SLC4A11: variants seen among roughly 807,000 people sequenced by gnomAD.
SLC4A11 encodes solute carrier family 4 member 11, also known as bicarbonate transporter related protein 1.
In SLC4A11, 74 loss-of-function variants were observed where a neutral mutation model predicts 95.0. The observed-to-expected ratio is 0.78, with a 90% CI of 0.65 to 0.95. The LOEUF is 0.95. Among genes scored for constraint, SLC4A11 ranks in the 40% least tolerant of loss-of-function variants. The pLI, the probability that SLC4A11 is intolerant of heterozygous loss-of-function variation, is 0.00. For synonymous variants in SLC4A11, 548 were observed against 519.0 expected, an observed-to-expected ratio of 1.06 and a Z score of -0.76; for missense variants, 1,081 against 1,192.4, an observed-to-expected ratio of 0.91 and a Z score of 1.38.
chr20:3,230,967 C>A lies in SLC4A11; in HGVS notation c.1134G>T (p.Gly378=). 1 of 1,613,352 alleles carries A rather than the reference C, an allele frequency of 6.2e-7. No individual in the cohort carries two copies. The highest frequency in any genetic ancestry group is 8.5e-7 in the Non-Finnish European group (1 of 1,179,824). ...FACLLPTIAF[G]SLNDENTDGA... is the part of the protein sequence containing the mutation. ...CGTCTGTGTTCTCGTCATTGAGAGA[C>A]CCGAAAGCGATGGTGGGCAGGAGGC... Residue 378 remains glycine, a synonymous_variant, in exon 10 of 20, where the codon GGG becomes GGT. Transcript: ENST00000642402.
chr20:3,234,935 GC>G lies in SLC4A11; in HGVS notation c.89-42del. 1 of 1,612,720 alleles carries G rather than the reference GC, an allele frequency of 6.2e-7. No individual in the cohort carries two copies. Among genetic ancestry groups the G allele is most frequent in the South Asian group, 1.1e-5 (1 of 91,048 alleles). On this transcript the variant is annotated intron_variant, in intron 2 of 19. Transcript: ENST00000642402. The surrounding 1 kb of genome is among the most constrained non-coding windows in gnomAD (Gnocchi z 5.8). ...AGCAAGAGGGCCTGGCTGTTAAAGT[GC>G]CACACACAGGAAGGAGGGGCTCCAA...
chr20:3,236,643 G>A (rs1350427373), intron 2 of SLC4A11, among the ~76,000 whole-genome samples: 1 of 152,046 alleles, frequency 6.6e-6, no homozygotes, highest in Non-Finnish European at 1.5e-5. Flanking sequence ...TGGTTCTGGA[G>A]CTCATGATAA....
chr20:3,232,956 T>G (rs539890863), intron 7 of SLC4A11, among the ~76,000 whole-genome samples: 1 of 152,262 alleles, frequency 6.6e-6, no homozygotes, highest in African/African-American at 2.4e-5. Flanking sequence ...CCGCCATGTC[T>G]GAGATCCCTG....
In SLC4A11 at chr20:3,234,022, G is replaced by A; in HGVS notation, c.524-20C>T. Reference sequence around the variant, plus strand: ...GGTGGACTGAGGAAAGAGTGAGGGGGAGGGTGGTGGGTCAACAGCCCCTCC... The same window carrying A: ...GGTGGACTGAGGAAAGAGTGAGGGGAAGGGTGGTGGGTCAACAGCCCCTCC... On this transcript the variant is annotated intron_variant, in intron 5 of 19. Transcript: ENST00000642402. This position sits in a 1 kb window ranked among gnomAD's most constrained non-coding sequence, Gnocchi z 5.8. The A allele has an allele frequency of 1.2e-6, 2 of 1,613,774 alleles. No homozygotes were observed. Among genetic ancestry groups the A allele is most frequent in the Non-Finnish European group, 8.5e-7 (1 of 1,179,942 alleles).
At position 3,230,763 on chromosome 20, in the gene SLC4A11, C is replaced by G. The variant is rs750037057; in HGVS notation, c.1251G>C (p.Leu417=). 1.2e-6 allele frequency: 2 copies of G among 1,613,352 alleles called. No individual in the cohort carries two copies. Among genetic ancestry groups the G allele is most frequent in the South Asian group, 1.1e-5 (1 of 91,072 alleles). The change falls in exon 11 of 20, where the codon CTG becomes CTC. Residue 417 remains leucine (L), a synonymous_variant. Coordinates refer to ENST00000642402, the MANE Select transcript of SLC4A11 (RefSeq NM_001174089.2). ...TGTAGAGCGCCAGGGGCGCGGTGGT[C>G]AGCAGAATCACCAATGGCTGCCCAG... ...LFSGQPLVIL[L]TTAPLALYIQ...
intron 7 of SLC4A11, 96 bp downstream of exon 7, chr20:3,233,418 C>G: frequency 6.3e-7 from 1 of 1,576,942 alleles, no homozygotes. Flanking sequence ...GAGGACCAGG[C>G]CTTCAGAGGC....
chr20:3,239,123 G>C lies in SLC4A11; in HGVS notation c.15C>G (p.Thr5=). The change falls in exon 1 of 20, where the codon ACC becomes ACG. Residue 5 remains threonine, a synonymous_variant. Transcript: ENST00000642402. ...ACGGCTGCAGATGGAACACGCGCCT[G>C]GTGGCCGCGGCCATGGCACACTCGC... MAAA[T]RRVFHLQPCE... 6.8e-7 allele frequency: 1 copy of C among 1,476,848 alleles called. No individual in the cohort carries two copies. 91.5% of individuals were successfully genotyped at this position (1,476,848 alleles called of 1,614,324 possible). A position where few individuals can be genotyped will look rare whatever the true frequency, so the allele number is the denominator to read the frequency against.
At chr20:3,238,841 A>C in intron 1 of SLC4A11, 1 of 1,207,472 alleles carries the variant, frequency 8.3e-7, no homozygotes, top group East Asian at 3.6e-5. Flanking sequence ...TCAGCTGTTC[A>C]AACCTGGTAA....
Position 3,228,641 on chromosome 20 carries a change from C to T in SLC4A11, c.2259G>A (p.Leu753=). 1 of 1,613,094 alleles carries T rather than the reference C, an allele frequency of 6.2e-7. No homozygotes were observed. The highest frequency in any genetic ancestry group is 2.2e-5 in the East Asian group (1 of 44,878). ...ACTGAAGCGGGACCGGCAGCAGCAACAGGGACAGGCCCACCAGGACGCTGG... is the reference window on the plus strand; with the variant it reads ...ACTGAAGCGGGACCGGCAGCAGCAATAGGGACAGGCCCACCAGGACGCTGG... The part of the protein sequence containing the change: ...LGASVLVGLS[L]LLLPVPLQWI... The change falls in exon 18 of 20, where the codon CTG becomes CTA. Residue 753 remains leucine (L), a synonymous_variant. Transcript: ENST00000642402.
chr20:3,229,388 C>T lies in SLC4A11; in HGVS notation c.1807G>A (p.Ala603Thr), dbSNP rs138262189. The change falls in exon 15 of 20, where the codon GCC becomes ACC. Residue 603 changes from alanine to threonine, a missense_variant. Physicochemically the swap from Ala to Thr is moderately conservative, Grantham distance 58. Around this residue, in one of 3 missense-constraint regions of SLC4A11, gnomAD observed 767 missense variants for 858.0 expected, o/e 0.89. Coordinates refer to ENST00000642402, the MANE Select transcript of SLC4A11 (RefSeq NM_001174089.2). Reference sequence around the variant, plus strand: ...CCATGGGAGCTGATGAGGGAGAAGGCGAGCACCGCGATGGGCAGGGCGCAG... The same window carrying T: ...CCATGGGAGCTGATGAGGGAGAAGGTGAGCACCGCGATGGGCAGGGCGCAG... Reference protein sequence around the residue: ...SDCALPIAVLAFSLISSHGFR... With the variant: ...SDCALPIAVLTFSLISSHGFR... 2.7e-4 allele frequency: 440 copies of T among 1,613,318 alleles called. 1 individual carries two copies. The highest frequency in any genetic ancestry group is 1.7e-3 in the Admixed American group (100 of 60,030).
Position 3,237,584 on chromosome 20 carries a change from G to C in SLC4A11, c.48C>G (p.Asn16Lys). 6.2e-7 allele frequency: 1 copy of C among 1,614,070 alleles called. No homozygotes were observed. Among genetic ancestry groups the C allele is most frequent in the Non-Finnish European group, 8.5e-7 (1 of 1,180,028 alleles). ...ATCCATTCTGCGACATGGTGGGAGAGTTTTCTGCAAGGGAAGCAGAAAGGT... is the reference window on the plus strand; with the variant it reads ...ATCCATTCTGCGACATGGTGGGAGACTTTTCTGCAAGGGAAGCAGAAAGGT... ...RRVFHLQPCE[N>K]SPTMSQNGYF... The change falls in exon 2 of 20, where the codon AAC (asparagine) becomes AAG (lysine). Residue 16 changes from asparagine to lysine, a missense_variant. Around this residue, in one of 3 missense-constraint regions of SLC4A11, gnomAD observed 310 missense variants for 313.5 expected, o/e 0.99. Transcript: ENST00000642402.
In SLC4A11 at chr20:3,233,951, A is replaced by C. The variant is rs1350514016; in HGVS notation, c.575T>G (p.Val192Gly). ...IQGVTATVTG[V>G]RYQQSWLCII... ...GCAGAGCCACGACTGCTGGTACCGC[A>C]CCCCTGTCACTGTGGCGGTGACCCC... The change falls in exon 6 of 20, where the codon GTG becomes GGG. Residue 192 changes from valine (V) to glycine (G), a missense_variant. This residue lies in a region of SLC4A11 where 310 missense variants were observed against 313.5 expected (regional missense o/e 0.99). Transcript: ENST00000642402. The C allele has an allele frequency of 1.9e-6, 3 of 1,612,866 alleles. No homozygotes were observed. Among genetic ancestry groups the C allele is most frequent in the Non-Finnish European group, 2.5e-6 (3 of 1,179,944 alleles).
At chr20:3,233,351 G>T (rs1196595502) in intron 7 of SLC4A11, among the ~76,000 whole-genome samples, 163 bp downstream of exon 7, 28 of 152,172 alleles carry the variant, frequency 1.8e-4, no homozygotes, top group Admixed American at 1.8e-3. Context: ...ATGAGGACTT[G>T]CCGGGCCTAG....
chr20:3,231,133 A>C lies in SLC4A11; in HGVS notation c.1042+16T>G. On this transcript the variant is annotated intron_variant, in intron 9 of 19. Coordinates refer to ENST00000642402, the MANE Select transcript of SLC4A11 (RefSeq NM_001174089.2). This position sits in a 1 kb window ranked among gnomAD's most constrained non-coding sequence, Gnocchi z 5.2. ...ACACGTGTGGGCCCAAGGCCTGGAA[A>C]GCAGAGGCCACGTACCATCAGTGAA... 6.2e-7 allele frequency: 1 copy of C among 1,614,176 alleles called. No individual in the cohort carries two copies. The highest frequency in any genetic ancestry group is 8.5e-7 in the Non-Finnish European group (1 of 1,180,034).
chr20:3,229,882 G>A, intron 13 of SLC4A11, 106 bp from the exon 14 acceptor site: 1 of 1,505,796 alleles, frequency 6.6e-7, no homozygotes, highest in Non-Finnish European at 9.2e-7. Context: ...GAAGGTGAGG[G>A]GACCCTGCCG....
At chr20:3,238,137 T>C in intron 1 of SLC4A11, 1 of 1,446,790 alleles carries the variant, frequency 6.9e-7, no homozygotes, top group South Asian at 1.5e-5. Flanking sequence ...CGGTCTCCAG[T>C]CCTGGGACCG....
Position 3,231,181 on chromosome 20 carries a change from C to T in SLC4A11, c.1010G>A (p.Arg337Lys). 1 of 1,614,148 alleles carries T rather than the reference C, an allele frequency of 6.2e-7. No homozygotes were observed. The highest frequency in any genetic ancestry group is 8.5e-7 in the Non-Finnish European group (1 of 1,180,020). ...GKGIREDIAR[R>K]FPLYPLDFTD... ...GAAGTCCAAGGGGTACAAGGGGAAC[C>T]TGCGTGCGATGTCCTCCCGGATGCC... Residue 337 changes from arginine to lysine, a missense_variant, in exon 9 of 20, where the codon AGG becomes AAG. Physicochemically the swap from Arg to Lys is conservative, Grantham distance 26. This residue lies in a region of SLC4A11 where 767 missense variants were observed against 858.0 expected (regional missense o/e 0.89). Transcript: ENST00000642402. This position sits in a 1 kb window ranked among gnomAD's most constrained non-coding sequence, Gnocchi z 5.2.
chr20:3,233,410 G>C, intron 7 of SLC4A11, 104 bp downstream of exon 7: 1 of 1,547,912 alleles, frequency 6.5e-7, no homozygotes, highest in Non-Finnish European at 8.8e-7. Flanking sequence ...GGGAGGGTGA[G>C]GACCAGGCCT....
At chr20:3,239,295 G>C (rs1053334806), upstream of SLC4A11, 149 of 1,176,154 alleles carry the variant, frequency 1.3e-4, no homozygotes, top group Non-Finnish European at 1.5e-4. Context: ...GCCCGGGCGC[G>C]GTAGGCAGAG....
Sources: gnomAD v4.1 joint callset for allele counts (sites outside exome capture counted in the v4.1 genomes callset) on GRCh38, gnomAD v4.1.1 for gene constraint, gnomAD v4.1.1 regional missense constraint, Gnocchi (gnomAD v3.1) non-coding constraint, MANE v1.5 for transcripts, NCBI Gene and HGNC (gene_info 2026-07-23, HGNC 2026-07-21) for gene names.